The following DNAJA3 variants were observed in gnomAD, a reference collection of about 807,000 sequenced individuals.
The protein encoded by DNAJA3 is DnaJ heat shock protein family (Hsp40) member A3.
In DNAJA3, 29 loss-of-function variants were observed where a neutral mutation model predicts 54.9. That is an observed-to-expected ratio of 0.53 (90% CI 0.39 to 0.72). The LOEUF (loss-of-function observed/expected upper bound fraction) is 0.72, where lower values mean the gene tolerates loss of function less well. DNAJA3 is among the 30% of genes least tolerant of loss of function. The pLI is 0.00. For synonymous variants in DNAJA3, 302 were observed against 251.4 expected (o/e 1.20, Z -1.90); for missense variants, 708 against 639.4 (o/e 1.11, Z -1.16).
intron 1 of DNAJA3, among the ~76,000 whole-genome samples, 176 bp downstream of exon 1, chr16:4,426,268 C>G (rs1302048853): frequency 6.6e-6 from 1 of 152,154 alleles, no homozygotes; most frequent in Non-Finnish European, 1.5e-5. Context: ...GCTGCTCAGC[C>G]GTCAAGGAAG....
At chr16:4,449,816 T>C (rs1184029351) in intron 9 of DNAJA3, 1 of 152,046 alleles carries the variant, frequency 6.6e-6, no homozygotes, top group East Asian at 1.9e-4. Flanking sequence ...TAATTTCTTT[T>C]TTTTTTTTTG....
chr16:4,442,564 G>C, intron 5 of DNAJA3, 144 bp downstream of exon 5: 1 of 991,172 alleles, frequency 1.0e-6, no homozygotes, highest in Non-Finnish European at 1.4e-6. Flanking sequence ...CCGTGACCCT[G>C]AGGAGACGAG....
intron 1 of DNAJA3, among the ~76,000 whole-genome samples, chr16:4,432,682 A>G (rs2141371749): frequency 6.6e-6 from 1 of 151,966 alleles, no homozygotes; most frequent in South Asian, 2.1e-4. Context: ...CTATTAAAAC[A>G]CCTCCAGTCT....
At chr16:4,439,133 C>T (rs1225936122) in intron 3 of DNAJA3, among the ~76,000 whole-genome samples, 1 of 151,408 alleles carries the variant, frequency 6.6e-6, no homozygotes, top group African/African-American at 2.4e-5. Flanking sequence ...ATCAGGAGGT[C>T]AGGAGTTTGA....
intron 1 of DNAJA3, among the ~76,000 whole-genome samples, chr16:4,429,099 A>G (rs2056660045): frequency 6.6e-6 from 1 of 151,798 alleles, no homozygotes; most frequent in Non-Finnish European, 1.5e-5. Flanking sequence ...TGTGTTAGCC[A>G]GGACGTCTCG....
At chr16:4,443,231 G>A (rs745807825) in intron 6 of DNAJA3, 67 bp downstream of exon 6, 136 of 1,583,444 alleles carry the variant, frequency 8.6e-5, no homozygotes, top group East Asian at 1.8e-4. Flanking sequence ...CTACCACACC[G>A]TGTGGAGAGG....
rs148624679 is a variant in DNAJA3, at chr16:4,441,403, A to G, written c.458A>G (p.Gln153Arg). 6 of 1,613,726 alleles carry G rather than the reference A, an allele frequency of 3.7e-6. No individual in the cohort carries two copies. The highest frequency in any genetic ancestry group is 5.1e-6 in the Non-Finnish European group (6 of 1,179,998). Reference sequence around the variant, plus strand: ...TTGAGTGATGAGGTGAAGAGGAAGCAGTACGATGCCTACGGCTCTGCAGGC... The same window carrying G: ...TTGAGTGATGAGGTGAAGAGGAAGCGGTACGATGCCTACGGCTCTGCAGGC... ...EVLSDEVKRKQYDAYGSAGFD... is the reference protein window; with the variant it reads ...EVLSDEVKRKRYDAYGSAGFD... Residue 153 changes from glutamine (Q) to arginine (R), a missense_variant, in exon 4 of 12, where the codon CAG becomes CGG. Transcript: ENST00000262375.
rs1044263295 is a variant in DNAJA3 at position 4,426,654 on chromosome 16, C to A, written c.211+562C>A. 2.0e-5 allele frequency among the ~76,000 whole-genome samples: 3 copies of A among 152,338 alleles called. No homozygotes were observed. The East Asian group carries it at 5.8e-4, about 29-fold the overall frequency. On this transcript the variant is annotated intron_variant, in intron 1 of 11. Transcript: ENST00000262375. ...CTAATTGAAGGGCACAGTTAACAAT[C>A]TTTTTAGAAGTCTTTAGTTGGTGAT...
At chr16:4,444,776 G>A (rs1368487908) in intron 7 of DNAJA3, 48 bp downstream of exon 7, 14 of 1,546,394 alleles carry the variant, frequency 9.1e-6, no homozygotes, top group African/African-American at 4.1e-5. Flanking sequence ...TCCTCTCTTC[G>A]GGTGGGTGTG....
At position 4,455,535 on chromosome 16, in the gene DNAJA3, CT is replaced by C; in HGVS notation, c.*14-8del. On this transcript the variant is annotated splice_polypyrimidine_tract_variant and intron_variant, in intron 11 of 11. Coordinates refer to ENST00000262375, the MANE Select transcript of DNAJA3 (RefSeq NM_005147.6). ...TTGAGTATAAGGTAACAGCCTATCT[CT>C]TTGGCTCAGGAAAAAGATCCACTGG... 1 of 1,551,780 alleles carries C rather than the reference CT, an allele frequency of 6.4e-7. No individual in the cohort carries two copies. Among genetic ancestry groups the C allele is most frequent in the Non-Finnish European group, 8.7e-7 (1 of 1,146,984 alleles).
In DNAJA3 at chr16:4,445,200, C is replaced by T. The variant is rs1451548121; in HGVS notation, c.996+472C>T. Reference sequence around the variant, plus strand: ...AGGTACAAAGGGGTGCACAAGAGTCCTGTCCATGGTAGCAAGACACTGCCT... The same window carrying T: ...AGGTACAAAGGGGTGCACAAGAGTCTTGTCCATGGTAGCAAGACACTGCCT... On this transcript the variant is annotated intron_variant, in intron 7 of 11. Coordinates refer to ENST00000262375, the MANE Select transcript of DNAJA3 (RefSeq NM_005147.6). Among the ~76,000 whole-genome samples, 3 of 152,194 alleles carry T rather than the reference C, an allele frequency of 2.0e-5. No individual in the cohort carries two copies. The East Asian group carries it at 5.8e-4, about 29-fold the overall frequency.
intron 10 of DNAJA3, among the ~76,000 whole-genome samples, chr16:4,452,387 G>C (rs1010846149): frequency 4.6e-5 from 7 of 152,098 alleles, no homozygotes; most frequent in Admixed American, 2.6e-4. Flanking sequence ...CCCTGGGTGG[G>C]TTCGTGGGTG....
In DNAJA3 at chr16:4,455,527, G is replaced by A; in HGVS notation, c.*14-19G>A. ...TTGAAATGTTGAGTATAAGGTAACA[G>A]CCTATCTCTTTGGCTCAGGAAAAAG... On this transcript the variant is annotated intron_variant, in intron 11 of 11. Coordinates refer to ENST00000262375, the MANE Select transcript of DNAJA3 (RefSeq NM_005147.6). 1 of 1,551,768 alleles carries A rather than the reference G, an allele frequency of 6.4e-7. No individual in the cohort carries two copies. Among genetic ancestry groups the A allele is most frequent in the African/African-American group, 1.4e-5 (1 of 73,168 alleles).
chr16:4,450,434 A>G lies in DNAJA3; in HGVS notation c.1276A>G (p.Ser426Gly). Residue 426 changes from serine (S) to glycine (G), a missense_variant, in exon 10 of 12, where the codon AGC becomes GGC. Ser to Gly is a moderately conservative substitution (Grantham distance 56). Coordinates refer to ENST00000262375, the MANE Select transcript of DNAJA3 (RefSeq NM_005147.6). Reference sequence around the variant, plus strand: ...GAGCCGGCAGCAGAGCCTGATCCTGAGCTACGCCGAGGACGAGACAGATGT... The same window carrying G: ...GAGCCGGCAGCAGAGCCTGATCCTGGGCTACGCCGAGGACGAGACAGATGT... ...LTSRQQSLIL[S>G]YAEDETDVEG... 6.2e-7 allele frequency: 1 copy of G among 1,611,924 alleles called. No individual in the cohort carries two copies. The highest frequency in any genetic ancestry group is 8.5e-7 in the Non-Finnish European group (1 of 1,179,378).
At chr16:4,453,481 G>A (rs2141398333) in intron 10 of DNAJA3, among the ~76,000 whole-genome samples, 1 of 150,306 alleles carries the variant, frequency 6.7e-6, no homozygotes, top group South Asian at 2.1e-4. Flanking sequence ...TCTGTCACCC[G>A]GGCCGGAGTG....
At position 4,443,033 on chromosome 16, in the gene DNAJA3, G is replaced by T. The variant is rs374453873; in HGVS notation, c.800G>T (p.Gly267Val). The T allele has an allele frequency of 6.2e-7, 1 of 1,613,956 alleles. No homozygotes were observed. The highest frequency in any genetic ancestry group is 1.3e-5 in the African/African-American group (1 of 74,876). The change falls in exon 6 of 12, where the codon GGC becomes GTC. Residue 267 changes from glycine to valine, a missense_variant. Coordinates refer to ENST00000262375, the MANE Select transcript of DNAJA3 (RefSeq NM_005147.6). ...GGSGMETINT[G>V]PFVMRSTCRR... is the part of the protein sequence containing the mutation. ...TTTTATCAGGAAACCATCAACACAG[G>T]CCCTTTTGTGATGCGTTCCACGTGT...
At chr16:4,448,283 C>A (rs138287118) in intron 8 of DNAJA3, among the ~76,000 whole-genome samples, 6 of 151,502 alleles carry the variant, frequency 4.0e-5, no homozygotes, top group South Asian at 2.1e-4. Context: ...CCTCAGCCCC[C>A]CAAAGTGCTG....
intron 3 of DNAJA3, among the ~76,000 whole-genome samples, chr16:4,438,635 CTTTTTTTTTTTTT>C (rs56211652): frequency 1.7e-4 from 19 of 110,648 alleles, no homozygotes; most frequent in Non-Finnish European, 2.9e-4. Context: ...ACAATCTTTT[CTTTTTTTTTTTTT>C]TTTTTTGCTT....
intron 2 of DNAJA3, among the ~76,000 whole-genome samples, chr16:4,436,792 T>G (rs1359402239): frequency 6.6e-6 from 1 of 152,208 alleles, no homozygotes; most frequent in Non-Finnish European, 1.5e-5. Context: ...CAGCTCAGCA[T>G]CTCAAAGTGC....
Sources: allele counts gnomAD v4.1 joint callset (sites outside exome capture counted in the v4.1 genomes callset), GRCh38; gene constraint gnomAD v4.1.1; transcripts MANE v1.5; gene names NCBI Gene and HGNC (gene_info 2026-07-23, HGNC 2026-07-21).